QTMAN: variants seen among roughly 807,000 people sequenced by gnomAD.
QTMAN encodes the protein tRNA-queuosine alpha-mannosyltransferase.
At chr2:144,246,665 A>T in the QTMAN span, among the ~76,000 whole-genome samples, 1 of 151,960 alleles carries the variant, frequency 6.6e-6, no homozygotes, top group Non-Finnish European at 1.5e-5. Flanking sequence ...GTCTCAATTT[A>T]CTGTGTTCCA....
the QTMAN span, chr2:143,945,931 T>C: frequency 6.6e-6 from 1 of 152,248 alleles, no homozygotes. Flanking sequence ...AACAATTGTA[T>C]TTGTTGTCTC....
At chr2:144,093,384 TATACCCC>T in the QTMAN span, among the ~76,000 whole-genome samples, 1 of 152,230 alleles carries the variant, frequency 6.6e-6, no homozygotes, top group Non-Finnish European at 1.5e-5. Context: ...CTTGAAGGTG[TATACCCC>T]ATGAAGGGCT....
the QTMAN span, among the ~76,000 whole-genome samples, chr2:144,244,191 TTGAA>T: frequency 6.6e-6 from 1 of 152,180 alleles, no homozygotes; most frequent in Non-Finnish European, 1.5e-5. Flanking sequence ...ACATTAAAAA[TTGAA>T]TGGGCATAAA....
At chr2:144,255,930 G>A in the QTMAN span, among the ~76,000 whole-genome samples, 1 of 152,154 alleles carries the variant, frequency 6.6e-6, no homozygotes, top group Non-Finnish European at 1.5e-5. Context: ...GATGGTTGGG[G>A]GAAGGCTGAA....
the QTMAN span, among the ~76,000 whole-genome samples, chr2:143,959,111 G>C: frequency 6.6e-6 from 1 of 151,874 alleles, no homozygotes; most frequent in Non-Finnish European, 1.5e-5. Flanking sequence ...TTAGTATCTA[G>C]CTAGACACTA....
the QTMAN span, chr2:144,128,082 C>A: frequency 1.3e-5 from 2 of 151,886 alleles, no homozygotes; most frequent in Non-Finnish European, 2.9e-5. Context: ...GAAGACAAAC[C>A]TGGAGGGAGA....
At chr2:144,140,006 C>T in the QTMAN span, among the ~76,000 whole-genome samples, 2 of 152,122 alleles carry the variant, frequency 1.3e-5, no homozygotes, top group South Asian at 2.1e-4. Flanking sequence ...TTACTAAATA[C>T]TTTTCAACAT....
chr2:144,245,203 T>A, the QTMAN span, among the ~76,000 whole-genome samples: 1 of 152,338 alleles, frequency 6.6e-6, no homozygotes, highest in East Asian at 1.9e-4. Context: ...AAAAGCATCT[T>A]GGAAAGTAAA....
the QTMAN span, among the ~76,000 whole-genome samples, chr2:144,120,699 C>G: frequency 2.0e-5 from 3 of 152,170 alleles, no homozygotes; most frequent in African/African-American, 7.2e-5. Context: ...TGCTTCTTAA[C>G]TGGTGACAGA....
At chr2:144,184,797 TC>T in the QTMAN span, among the ~76,000 whole-genome samples, 1 of 152,124 alleles carries the variant, frequency 6.6e-6, no homozygotes, top group South Asian at 2.1e-4. Context: ...AAGCACTGGC[TC>T]CCTATATAGG....
chr2:144,228,600 T>A, the QTMAN span, among the ~76,000 whole-genome samples: 39 of 152,006 alleles, frequency 2.6e-4, 1 homozygote, highest in African/African-American at 8.2e-4. Flanking sequence ...ACGGGAGGGA[T>A]CTAATTTGTG....
the QTMAN span, among the ~76,000 whole-genome samples, chr2:144,269,118 A>G: frequency 6.6e-6 from 1 of 152,346 alleles, no homozygotes; most frequent in Admixed American, 6.5e-5. Flanking sequence ...AAGCCTATAT[A>G]AATCTACGTA....
the QTMAN span, among the ~76,000 whole-genome samples, chr2:144,296,138 A>G: frequency 6.6e-6 from 1 of 152,232 alleles, no homozygotes; most frequent in Admixed American, 6.5e-5. Flanking sequence ...ACAGATGGAC[A>G]AGCATCAGGT....
the QTMAN span, among the ~76,000 whole-genome samples, chr2:144,219,857 T>G: frequency 3.7e-3 from 565 of 152,174 alleles, 2 homozygotes; most frequent in African/African-American, 0.013. Flanking sequence ...AAAAGCTGCA[T>G]CAGTTAACAT....
the QTMAN span, among the ~76,000 whole-genome samples, chr2:144,204,300 GA>G: frequency 6.6e-6 from 1 of 151,816 alleles, no homozygotes; most frequent in African/African-American, 2.4e-5. Context: ...AAATTTACAA[GA>G]AAAAAACAAC....
chr2:144,144,152 C>T, the QTMAN span, among the ~76,000 whole-genome samples: 2 of 151,826 alleles, frequency 1.3e-5, no homozygotes, highest in Non-Finnish European at 2.9e-5. Flanking sequence ...TCCCTATCAG[C>T]AAAAACAATG....
At chr2:144,326,966 T>TTG in the QTMAN span, among the ~76,000 whole-genome samples, 1 of 152,160 alleles carries the variant, frequency 6.6e-6, no homozygotes, top group African/African-American at 2.4e-5. Context: ...GGCTCATAAC[T>TTG]ACCACAGCCC....
At chr2:144,182,810 TATATATATTATATATATA>T in the QTMAN span, among the ~76,000 whole-genome samples, 2 of 63,176 alleles carry the variant, frequency 3.2e-5, no homozygotes, top group African/African-American at 8.2e-5. Flanking sequence ...ATATATATAA[TATATATATTATATATATA>T]ATATATATAT....
At chr2:144,130,345 T>C in the QTMAN span, among the ~76,000 whole-genome samples, 17 of 151,952 alleles carry the variant, frequency 1.1e-4, no homozygotes, top group Non-Finnish European at 2.2e-4. Flanking sequence ...TTCTTAGCAA[T>C]GTTTCTAAGA....
Sources: gnomAD v4.1 joint callset for allele counts (sites outside exome capture counted in the v4.1 genomes callset) on GRCh38, gnomAD v4.1.1 for gene constraint, MANE v1.5 for transcripts, NCBI Gene and HGNC (gene_info 2026-07-23, HGNC 2026-07-21) for gene names.